Variants in MICA observed in about 807,000 individuals in gnomAD.
MICA encodes HLA class I antigen.
A neutral mutation model predicts 34.3 loss-of-function variants in MICA; 18 were observed. That is an observed-to-expected ratio of 0.52 (90% CI 0.36 to 0.78). The LOEUF is 0.78. Ranked by LOEUF, MICA falls within the 30% of genes least tolerant of loss-of-function variation. The probability of loss-of-function intolerance (pLI) is 0.00; values close to 1 mark genes in which losing one functional copy is unlikely to be tolerated. For missense variants in MICA, 333 were observed against 409.4 expected (o/e 0.81, Z 1.61); for synonymous variants, 135 against 156.9 (o/e 0.86, Z 1.04).
intron 1 of MICA, among the ~76,000 whole-genome samples, 194 bp from the exon 2 acceptor site, chr6:31,410,349 T>C (rs1227680873): frequency 6.6e-6 from 1 of 151,418 alleles, no homozygotes; most frequent in Non-Finnish European, 1.5e-5. Flanking sequence ...TCATTCCCCC[T>C]TCTTCTGTTC....
At chr6:31,406,260 G>A (rs1296500766) in intron 1 of MICA, among the ~76,000 whole-genome samples, 1 of 151,494 alleles carries the variant, frequency 6.6e-6, no homozygotes, top group Non-Finnish European at 1.5e-5. Context: ...TATCTGGGGT[G>A]GGATGTTATC....
chr6:31,412,543 C>A, intron 5 of MICA, 83 bp downstream of exon 5: 3 of 879,972 alleles, frequency 3.4e-6, no homozygotes, highest in East Asian at 2.6e-5. Flanking sequence ...CAAAGATAGG[C>A]ATGTTGGTGA....
At position 31,410,719 on chromosome 6, in the gene MICA, G is replaced by A; in HGVS notation, c.247G>A (p.Asp83Asn). ...AGATGTCCTGGGAAATAAGACATGG[G>A]ACAGAGAGACCAGGGACTTGACAGG... ...AEDVLGNKTWDRETRDLTGNG... is the reference protein window; with the variant it reads ...AEDVLGNKTWNRETRDLTGNG... The change falls in exon 2 of 6, where the codon GAC (aspartate) becomes AAC (asparagine). Residue 83 changes from aspartate to asparagine, a missense_variant. By Grantham distance (23) the Asp-to-Asn change is conservative. Transcript: ENST00000449934. 2 of 1,609,992 alleles carry A rather than the reference G, an allele frequency of 1.2e-6. No individual in the cohort carries two copies. The highest frequency in any genetic ancestry group is 1.7e-6 in the Non-Finnish European group (2 of 1,178,534).
chr6:31,409,997 TGA>T (rs879529473), intron 1 of MICA, among the ~76,000 whole-genome samples: 147 of 151,574 alleles, frequency 9.7e-4, no homozygotes, highest in African/African-American at 3.4e-3. Flanking sequence ...TCTGGGATAC[TGA>T]CCCCACTATA....
chr6:31,413,900 T>C (rs7756209), intron 5 of MICA, among the ~76,000 whole-genome samples: 48,510 of 151,690 alleles, frequency 0.32, 8,330 homozygotes, highest in African/African-American at 0.4. Context: ...TGATGTCCAG[T>C]AAAGATATTC....
intron 5 of MICA, 92 bp downstream of exon 5, chr6:31,412,552 G>A (rs1771258384): frequency 2.4e-6 from 2 of 838,602 alleles, no homozygotes; most frequent in Non-Finnish European, 3.8e-6. Flanking sequence ...GCATGTTGGT[G>A]ACAAGGCTTC....
At chr6:31,410,447 T>G in intron 1 of MICA, 96 bp from the exon 2 acceptor site, 1 of 1,241,524 alleles carries the variant, frequency 8.1e-7, no homozygotes, top group Non-Finnish European at 1.1e-6. Context: ...GTGCATTTCC[T>G]GCCCCAGGAA....
rs3828878 is a variant in MICA at position 31,411,600 on chromosome 6, T to G, written c.613+241T>G. Among the ~76,000 whole-genome samples the G allele has an allele frequency of 0.35, 53,416 of 151,598 alleles. 10,085 individuals are homozygous for G. The highest frequency in any genetic ancestry group is 0.45 in the African/African-American group (18,382 of 41,228). On this transcript the variant is annotated intron_variant, in intron 3 of 5. Transcript: ENST00000449934. The surrounding 1 kb of genome is among the most constrained non-coding windows in gnomAD (Gnocchi z 4.3). ...ACCCTCCGACAGAATCCTGAGCCTG[T>G]GGTGGGTGTCAGGCAGGAGAGGAAG...
At position 31,412,170 on chromosome 6, in the gene MICA, G is replaced by A. The variant is rs41557614; in HGVS notation, c.837G>A (p.Arg279=). 2 of 1,612,470 alleles carry A rather than the reference G, an allele frequency of 1.2e-6. No individual in the cohort carries two copies. Among genetic ancestry groups the A allele is most frequent in the Admixed American group, 1.7e-5 (1 of 59,478 alleles). The change falls in exon 4 of 6, where the codon AGG becomes AGA. Residue 279 remains arginine (R), a synonymous_variant. Transcript: ENST00000449934. ...GGATTTGCCGAGGAGAGGAGCAGAGGTTCACCTGCTACATGGAACACAGCG... is the reference window on the plus strand; with the variant it reads ...GGATTTGCCGAGGAGAGGAGCAGAGATTCACCTGCTACATGGAACACAGCG... ...ATRICRGEEQ[R]FTCYMEHSGN...
chr6:31,411,155 G>A lies in MICA; in HGVS notation c.409G>A (p.Gly137Arg), dbSNP rs41556715. Reference protein sequence around the residue: ...TRSSQHFYYDGELFLSQNLET... With the variant: ...TRSSQHFYYDRELFLSQNLET... ...GAGCTCCCAGCATTTCTACTACGAT[G>A]GGGAGCTCTTCCTCTCCCAAAACCT... The change falls in exon 3 of 6, where the codon GGG becomes AGG. Residue 137 changes from glycine (G) to arginine (R), a missense_variant. By Grantham distance (125) the Gly-to-Arg change is moderately radical (BLOSUM62 -2). Transcript: ENST00000449934. This position sits in a 1 kb window ranked among gnomAD's most constrained non-coding sequence, Gnocchi z 4.3. 5,729 of 1,612,674 alleles carry A rather than the reference G, an allele frequency of 3.6e-3. 179 individuals are homozygous for A. In the African/African-American group the frequency reaches 0.048, roughly 14 times the overall value.
intron 5 of MICA, 71 bp from the exon 6 acceptor site, chr6:31,414,941 G>A: frequency 7.7e-7 from 1 of 1,292,862 alleles, no homozygotes; most frequent in Non-Finnish European, 1.1e-6. Context: ...ACTGAAGAGA[G>A]AAAAGTCCCC....
At chr6:31,405,763 T>A (rs949092306) in intron 1 of MICA, among the ~76,000 whole-genome samples, 2 of 151,812 alleles carry the variant, frequency 1.3e-5, no homozygotes, top group Non-Finnish European at 2.9e-5. Context: ...TCTCTCCCCA[T>A]GAGGTCCATT....
intron 1 of MICA, among the ~76,000 whole-genome samples, chr6:31,404,595 A>C (rs143783515): frequency 3.7e-4 from 56 of 151,760 alleles, no homozygotes; most frequent in Middle Eastern, 3.4e-3. Context: ...GCCTTCACCC[A>C]GTGCTGCCCC....
intron 1 of MICA, 49 bp from the exon 2 acceptor site, chr6:31,410,494 T>C: frequency 6.3e-7 from 1 of 1,592,968 alleles, no homozygotes; most frequent in Non-Finnish European, 8.5e-7. Context: ...AACATCAATG[T>C]GAAGTTACTT....
At chr6:31,408,697 T>C (rs1310746630) in intron 1 of MICA, among the ~76,000 whole-genome samples, 3 of 151,890 alleles carry the variant, frequency 2.0e-5, no homozygotes, top group African/African-American at 7.3e-5. Flanking sequence ...TTCTGGCTTA[T>C]TTCACTTATA....
upstream of MICA, among the ~76,000 whole-genome samples, chr6:31,402,590 G>A (rs3763288): frequency 0.054 from 8,256 of 151,936 alleles, 382 homozygotes; most frequent in East Asian, 0.19. Context: ...AGGCTGAAGG[G>A]AGGGGAAAGC....
At chr6:31,403,503 T>C (rs975148613), upstream of MICA, 3 of 668,176 alleles carry the variant, frequency 4.5e-6, no homozygotes, top group African/African-American at 1.9e-5. The surrounding 1 kb of genome is among the most constrained non-coding windows in gnomAD (Gnocchi z 4.7). Flanking sequence ...CCGCTCGTGA[T>C]TGGCCCTAAG....
upstream of MICA, chr6:31,402,150 T>C (rs1284126004): frequency 6.6e-6 from 1 of 151,908 alleles, no homozygotes; most frequent in Non-Finnish European, 1.5e-5. Context: ...TTCTTTTTAT[T>C]TTAAAGGCTA....
upstream of MICA, among the ~76,000 whole-genome samples, chr6:31,403,269 G>A (rs2113717714): frequency 6.6e-6 from 1 of 151,974 alleles, no homozygotes; most frequent in East Asian, 1.9e-4. The surrounding 1 kb of genome is among the most constrained non-coding windows in gnomAD (Gnocchi z 4.7). Context: ...GCGCTCCTCG[G>A]GGTGGGGGCG....
Sources: gnomAD v4.1 joint callset for allele counts (sites outside exome capture counted in the v4.1 genomes callset) on GRCh38, gnomAD v4.1.1 for gene constraint, Gnocchi (gnomAD v3.1) non-coding constraint, MANE v1.5 for transcripts, NCBI Gene and HGNC (gene_info 2026-07-23, HGNC 2026-07-21) for gene names.